Variants in STK33 observed in about 807,000 individuals in gnomAD.
STK33 encodes the protein serine/threonine kinase 33, also known as serine/threonine-protein kinase 33.
A neutral mutation model predicts 58.0 loss-of-function variants in STK33; 52 were observed. The observed-to-expected ratio is 0.90, with a 90% confidence interval of 0.72 to 1.13. The LOEUF is 1.13. STK33 is among the 50% of genes most tolerant of loss of function. STK33 has a pLI of 0.00. For synonymous variants in STK33, 215 were observed against 200.1 expected, an observed-to-expected ratio of 1.07 and a Z score of -0.63; for missense variants, 630 against 604.2, an observed-to-expected ratio of 1.04 and a Z score of -0.45.
At chr11:8,588,397 C>T (rs1455030940) in intron 1 of STK33, among the ~76,000 whole-genome samples, 1 of 152,128 alleles carries the variant, frequency 6.6e-6, no homozygotes, top group Non-Finnish European at 1.5e-5. Context: ...TTTTGTCTCC[C>T]CAAAACATGC....
intron 1 of STK33, chr11:8,565,608 G>T (rs1442795225): frequency 6.6e-6 from 1 of 152,148 alleles, no homozygotes. Context: ...ATTATGATAA[G>T]GAGAAAAAGA....
chr11:8,497,851 A>G (rs1951181205), intron 1 of STK33, among the ~76,000 whole-genome samples: 2 of 152,226 alleles, frequency 1.3e-5, no homozygotes, highest in South Asian at 4.1e-4. Flanking sequence ...AAATAAAGTG[A>G]TTAGACTGAG....
At chr11:8,389,922 A>G (rs1848594736), downstream of STK33, among the ~76,000 whole-genome samples, 1 of 152,094 alleles carries the variant, frequency 6.6e-6, no homozygotes, top group Non-Finnish European at 1.5e-5. Flanking sequence ...TTGCCTGTGT[A>G]CGGGCCCTGG....
chr11:8,592,610 ACT>A (rs1455138934), intron 1 of STK33, among the ~76,000 whole-genome samples: 2 of 152,100 alleles, frequency 1.3e-5, no homozygotes, highest in Non-Finnish European at 1.5e-5. Flanking sequence ...ATTTTTGGGA[ACT>A]GTTTTTTTAT....
At chr11:8,442,840 A>C (rs996609513) in intron 11 of STK33, among the ~76,000 whole-genome samples, 1 of 152,224 alleles carries the variant, frequency 6.6e-6, no homozygotes, top group Admixed American at 6.6e-5. Context: ...TCATGATGTA[A>C]GACAAAAGAA....
At chr11:8,534,566 C>A (rs60340740) in intron 1 of STK33, among the ~76,000 whole-genome samples, 1 of 106,398 alleles carries the variant, frequency 9.4e-6, no homozygotes, top group Admixed American at 9.7e-5. Flanking sequence ...CTCTCTCTCT[C>A]TCTGTGTGTG....
downstream of STK33, among the ~76,000 whole-genome samples, chr11:8,389,633 C>T (rs1192856623): frequency 1.3e-5 from 2 of 152,310 alleles, no homozygotes; most frequent in South Asian, 2.1e-4. Context: ...GTTCCAACAG[C>T]GCGGCTGGAA....
intron 11 of STK33, among the ~76,000 whole-genome samples, chr11:8,442,776 T>C (rs1365139963): frequency 6.6e-6 from 1 of 152,192 alleles, no homozygotes; most frequent in African/African-American, 2.4e-5. Context: ...TTACGTATAC[T>C]CTTCAGCAAT....
At chr11:8,454,571 C>A (rs572598555) in intron 10 of STK33, among the ~76,000 whole-genome samples, 173 bp downstream of exon 10, 2 of 152,258 alleles carry the variant, frequency 1.3e-5, no homozygotes, top group South Asian at 4.2e-4. Context: ...ACTTAACTTG[C>A]AAAATTATTC....
At chr11:8,417,560 C>T (rs537241293) in intron 14 of STK33, among the ~76,000 whole-genome samples, 1 of 152,166 alleles carries the variant, frequency 6.6e-6, no homozygotes, top group East Asian at 1.9e-4. Context: ...GAGTCCAAAT[C>T]GGCGAAGCTA....
At chr11:8,554,856 T>C (rs1956620296) in intron 1 of STK33, among the ~76,000 whole-genome samples, 1 of 152,184 alleles carries the variant, frequency 6.6e-6, no homozygotes, top group South Asian at 2.1e-4. Context: ...GAAACAACCT[T>C]GGTGCCCATC....
intron 1 of STK33, among the ~76,000 whole-genome samples, chr11:8,541,647 G>A (rs1191453267): frequency 1.3e-5 from 2 of 152,082 alleles, no homozygotes; most frequent in Admixed American, 6.5e-5. Flanking sequence ...CTTTGATATA[G>A]TCCTAAATTC....
rs769124423 is a variant in STK33, at chr11:8,436,079, T to G, written c.1008A>C (p.Arg336Ser). 6.3e-7 allele frequency: 1 copy of G among 1,597,436 alleles called. No homozygotes were observed. The highest frequency in any genetic ancestry group is 1.2e-5 in the South Asian group (1 of 86,754). The change falls in exon 13 of 16, where the codon AGA (arginine) becomes AGC (serine). Residue 336 changes from arginine (R) to serine (S), a missense_variant. By Grantham distance (110) the Arg-to-Ser change is moderately radical (BLOSUM62 -1). Transcript: ENST00000687296. ...CATTTTCAAAATGTAGTTCTCCTTT[T>G]CTTATTAACTCAAAAAGCTTCTCTT... ...SSEEKLFELI[R>S]KGELHFENAV...
chr11:8,428,131 A>T (rs1005173735), intron 14 of STK33, among the ~76,000 whole-genome samples: 2 of 152,212 alleles, frequency 1.3e-5, no homozygotes, highest in Non-Finnish European at 2.9e-5. Flanking sequence ...AGGAGGAGGT[A>T]CTCCTAAAGT....
At chr11:8,492,293 A>C (rs1423560840) in intron 1 of STK33, among the ~76,000 whole-genome samples, 1 of 152,206 alleles carries the variant, frequency 6.6e-6, no homozygotes, top group East Asian at 1.9e-4. Context: ...CAGGGGTTGC[A>C]ATCCTAGTCT....
intron 1 of STK33, among the ~76,000 whole-genome samples, chr11:8,540,995 T>C (rs1955471257): frequency 9.4e-6 from 1 of 105,966 alleles, no homozygotes; most frequent in Non-Finnish European, 2.1e-5. Flanking sequence ...TCTCTCTCTC[T>C]ATATATATAT....
intron 1 of STK33, among the ~76,000 whole-genome samples, chr11:8,509,750 A>G (rs1243648683): frequency 1.3e-5 from 2 of 152,184 alleles, no homozygotes; most frequent in Non-Finnish European, 2.9e-5. Flanking sequence ...ATAAGTGAGA[A>G]CATATGATAG....
intron 10 of STK33, among the ~76,000 whole-genome samples, chr11:8,453,887 A>C (rs1333405982): frequency 6.6e-6 from 1 of 152,236 alleles, no homozygotes; most frequent in Non-Finnish European, 1.5e-5. Context: ...TTCTTTACAG[A>C]AAATCCATTC....
At chr11:8,504,553 C>T (rs745577263) in intron 1 of STK33, among the ~76,000 whole-genome samples, 12 of 152,106 alleles carry the variant, frequency 7.9e-5, no homozygotes, top group Non-Finnish European at 1.3e-4. Context: ...CTTTGGGAGA[C>T]CAAGGTGGGA....
Sources: allele counts gnomAD v4.1 joint callset (sites outside exome capture counted in the v4.1 genomes callset), GRCh38; gene constraint gnomAD v4.1.1; transcripts MANE v1.5; gene names NCBI Gene and HGNC (gene_info 2026-07-23, HGNC 2026-07-21).